Variants in STK39 observed in about 807,000 individuals in gnomAD.
The protein encoded by STK39 is STE20/SPS1-related proline-alanine-rich protein kinase.
A neutral mutation model predicts 77.8 loss-of-function variants in STK39; 20 were observed. The observed-to-expected ratio is 0.26, with a 90% CI of 0.18 to 0.37. STK39 has a LOEUF of 0.37. Ranked by LOEUF, STK39 falls within the 10% of genes least tolerant of loss-of-function variation. The pLI, the probability that STK39 is intolerant of heterozygous loss-of-function variation, is 1.00. For missense variants in STK39, 479 were observed against 656.5 expected, an observed-to-expected ratio of 0.73 and a Z score of 2.95; for synonymous variants, 246 against 234.1, an observed-to-expected ratio of 1.05 and a Z score of -0.47.
At chr2:167,992,027 T>G (rs1683711659) in intron 16 of STK39, among the ~76,000 whole-genome samples, 1 of 152,180 alleles carries the variant, frequency 6.6e-6, no homozygotes, top group Admixed American at 6.5e-5. Flanking sequence ...TATCTAGGTC[T>G]GCGGAGATGA....
At chr2:168,005,979 G>T (rs1684123140) in intron 16 of STK39, among the ~76,000 whole-genome samples, 2 of 152,316 alleles carry the variant, frequency 1.3e-5, no homozygotes, top group South Asian at 4.1e-4. Context: ...TAGTCAGTGA[G>T]GCTCAAAATC....
intron 1 of STK39, among the ~76,000 whole-genome samples, chr2:168,189,885 C>A (rs1452538302): frequency 1.3e-5 from 2 of 152,230 alleles, no homozygotes; most frequent in African/African-American, 4.8e-5. Flanking sequence ...AAACACATAA[C>A]CTTTCTGCCA....
chr2:168,213,251 G>T (rs1443009751), intron 1 of STK39, among the ~76,000 whole-genome samples: 1 of 152,202 alleles, frequency 6.6e-6, no homozygotes, highest in Non-Finnish European at 1.5e-5. Context: ...TATTTGTGTA[G>T]ATTTAAAAAC....
chr2:168,029,311 G>A (rs1303880292), intron 14 of STK39, among the ~76,000 whole-genome samples: 2 of 152,170 alleles, frequency 1.3e-5, no homozygotes, highest in African/African-American at 4.8e-5. Context: ...TTCATCAAAA[G>A]AGAAACATGC....
chr2:168,186,394 G>T (rs1367661501), intron 1 of STK39, among the ~76,000 whole-genome samples: 2 of 152,214 alleles, frequency 1.3e-5, no homozygotes, highest in Non-Finnish European at 2.9e-5. Flanking sequence ...TCTGTTCAAA[G>T]TCATTCTTCC....
intron 14 of STK39, among the ~76,000 whole-genome samples, chr2:168,050,771 G>A (rs1421766071): frequency 6.6e-6 from 1 of 152,194 alleles, no homozygotes; most frequent in Admixed American, 6.5e-5. Context: ...ATACATCTGT[G>A]CTGCTTTAAG....
At chr2:168,081,317 C>T (rs774883979) in intron 10 of STK39, among the ~76,000 whole-genome samples, 13 of 152,158 alleles carry the variant, frequency 8.5e-5, no homozygotes, top group Non-Finnish European at 1.6e-4. Context: ...TCAGCGTAAC[C>T]TGGATGTGAG....
rs556080397 is a variant in STK39 at position 168,003,656 on chromosome 2, C to T, written c.1498+8978G>A. Among the ~76,000 whole-genome samples the T allele has an allele frequency of 7.2e-5, 11 of 152,262 alleles. No homozygotes were observed. The South Asian group carries it at 1.5e-3, about 20-fold the overall frequency. ...ACAGCACCCCCAAAGTACTTATAGT[C>T]CTAATTCCCTAAGGTATTAAACTTA... On this transcript the variant is annotated intron_variant, in intron 16 of 17. Coordinates refer to ENST00000355999, the MANE Select transcript of STK39 (RefSeq NM_013233.3).
chr2:168,037,883 G>C (rs1350154183), intron 14 of STK39, among the ~76,000 whole-genome samples: 1 of 152,060 alleles, frequency 6.6e-6, no homozygotes, highest in African/African-American at 2.4e-5. Context: ...ATAATGAGGG[G>C]GAAAGAGTTC....
At chr2:168,036,013 T>A (rs1309195636) in intron 14 of STK39, among the ~76,000 whole-genome samples, 1 of 152,126 alleles carries the variant, frequency 6.6e-6, no homozygotes, top group Non-Finnish European at 1.5e-5. Flanking sequence ...AATAAATGTA[T>A]AACACAGCGA....
At chr2:167,960,770 C>T (rs1335729199) in intron 17 of STK39, among the ~76,000 whole-genome samples, 1 of 151,510 alleles carries the variant, frequency 6.6e-6, no homozygotes, top group Admixed American at 6.6e-5. Context: ...GTGTGAGGTG[C>T]CCCCACCCCC....
At chr2:168,069,165 G>A (rs1416640022) in intron 12 of STK39, among the ~76,000 whole-genome samples, 3 of 152,078 alleles carry the variant, frequency 2.0e-5, no homozygotes, top group Non-Finnish European at 4.4e-5. Context: ...TGATCCACCC[G>A]CCTCAGCCTC....
At chr2:168,065,997 G>A (rs902696764) in intron 12 of STK39, among the ~76,000 whole-genome samples, 1 of 151,770 alleles carries the variant, frequency 6.6e-6, no homozygotes, top group African/African-American at 2.4e-5. Flanking sequence ...ACTCTGCCCT[G>A]GAGCAAAACT....
chr2:168,162,720 C>A (rs1688605976), intron 4 of STK39, among the ~76,000 whole-genome samples: 2 of 152,014 alleles, frequency 1.3e-5, no homozygotes, highest in South Asian at 4.1e-4. Context: ...TCTAAAGTAA[C>A]TTTTTTCTAA....
At chr2:168,021,879 A>T (rs753862082) in intron 14 of STK39, among the ~76,000 whole-genome samples, 9 of 151,784 alleles carry the variant, frequency 5.9e-5, no homozygotes, top group Non-Finnish European at 1.2e-4. Context: ...TGGCCCTCTC[A>T]CTCCTGTCAC....
At chr2:168,170,428 A>G (rs1473232685) in intron 2 of STK39, among the ~76,000 whole-genome samples, 2 of 152,224 alleles carry the variant, frequency 1.3e-5, no homozygotes, top group Non-Finnish European at 2.9e-5. Flanking sequence ...CTAACATCCT[A>G]TTCTCTTAAT....
At chr2:168,183,192 G>A (rs1013622069) in intron 1 of STK39, among the ~76,000 whole-genome samples, 4 of 151,840 alleles carry the variant, frequency 2.6e-5, no homozygotes, top group Non-Finnish European at 5.9e-5. Context: ...CCTTTCTTCC[G>A]CCCTGTGGCC....
chr2:168,222,711 G>A (rs1340054033), intron 1 of STK39, among the ~76,000 whole-genome samples: 2 of 152,144 alleles, frequency 1.3e-5, no homozygotes, highest in African/African-American at 2.4e-5. Context: ...CCTATAGGAG[G>A]TGCTTAACTA....
At chr2:168,223,525 A>G (rs6741396) in intron 1 of STK39, among the ~76,000 whole-genome samples, 4,722 of 151,466 alleles carry the variant, frequency 0.031, 244 homozygotes, top group African/African-American at 0.11. Flanking sequence ...AAAAAAAAAA[A>G]AAAAGAAAAG....
Sources: allele counts gnomAD v4.1 joint callset (sites outside exome capture counted in the v4.1 genomes callset), GRCh38; gene constraint gnomAD v4.1.1; transcripts MANE v1.5; gene names NCBI Gene and HGNC (gene_info 2026-07-23, HGNC 2026-07-21).